The following DOCK1 variants were observed in gnomAD, a reference collection of about 807,000 sequenced individuals.
DOCK1 encodes dedicator of cytokinesis 1, also known as dedicator of cytokinesis protein 1.
A neutral mutation model predicts 262.7 loss-of-function variants in DOCK1; 138 were observed. That is an observed-to-expected ratio of 0.53 (90% CI 0.46 to 0.61). The LOEUF is 0.61. DOCK1 is among the 20% of genes least tolerant of loss of function. DOCK1 has a pLI of 0.00. For synonymous variants in DOCK1, 866 were observed against 867.4 expected (o/e 1.00, Z 0.03); for missense variants, 1,908 against 2,370.7 (o/e 0.80, Z 4.05).
intron 46 of DOCK1, among the ~76,000 whole-genome samples, chr10:127,424,891 G>A (rs1382681723): frequency 6.6e-6 from 1 of 152,120 alleles, no homozygotes; most frequent in African/African-American, 2.4e-5. Context: ...CGAGGAGAGC[G>A]CTGCTACTCC....
At chr10:126,987,412 C>T in intron 4 of DOCK1, 109 bp from the exon 5 acceptor site, 1 of 761,204 alleles carries the variant, frequency 1.3e-6, no homozygotes, top group South Asian at 1.9e-5. Flanking sequence ...ATTTTCTTCC[C>T]ATTTGCTTAA....
At chr10:127,111,807 A>C (rs2048882707) in intron 25 of DOCK1, among the ~76,000 whole-genome samples, 1 of 152,190 alleles carries the variant, frequency 6.6e-6, no homozygotes, top group Admixed American at 6.5e-5. Context: ...TCAAATTAAC[A>C]GCTGTCAATG....
chr10:127,241,858 A>T (rs2059276855), intron 27 of DOCK1, among the ~76,000 whole-genome samples: 1 of 152,136 alleles, frequency 6.6e-6, no homozygotes, highest in Admixed American at 6.5e-5. Flanking sequence ...TCCTCTCCCC[A>T]GGAGTGAGTT....
chr10:127,087,176 C>T lies in DOCK1; in HGVS notation c.2446-19055C>T, dbSNP rs975617463. Among the ~76,000 whole-genome samples the T allele has an allele frequency of 2.6e-5, 4 of 152,240 alleles. 1 individual carries two copies. Among genetic ancestry groups the T allele is most frequent in the Non-Finnish European group, 4.4e-5 (3 of 68,022 alleles). ...ATATCTAAGTGGGCATTTTTCTAAA[C>T]GAGTGACTTTCTTCATGATATGTGT... is the stretch of plus-strand genomic sequence containing the variant. On this transcript the variant is annotated intron_variant, in intron 23 of 51. Transcript: ENST00000623213.
rs1249694286 is a variant in DOCK1, at chr10:127,310,296, A to G, written c.3045-28710A>G. Among the ~76,000 whole-genome samples the G allele has an allele frequency of 1.7e-5, 2 of 121,114 alleles. 1 individual carries two copies. The highest frequency in any genetic ancestry group is 3.1e-5 in the Non-Finnish European group (2 of 63,612). The allele number at this position is 121,114 out of a possible 152,430, so 79.5% of individuals were successfully genotyped here. A position where few individuals can be genotyped will look rare whatever the true frequency, so the allele number is the denominator to read the frequency against. ...TTACCCCCACCCCTACAGCCTTCCT[A>G]ATATAAGGAAGAAATGAAGCAGCCG... On this transcript the variant is annotated intron_variant, in intron 29 of 51. Transcript: ENST00000623213.
intron 32 of DOCK1, among the ~76,000 whole-genome samples, chr10:127,361,350 G>A (rs867937133): frequency 7.2e-5 from 11 of 152,126 alleles, no homozygotes; most frequent in South Asian, 2.1e-4. Context: ...TCCTGACCTC[G>A]TGATCTGCCC....
intron 27 of DOCK1, among the ~76,000 whole-genome samples, chr10:127,238,456 G>A (rs1408549114): frequency 6.6e-6 from 1 of 152,094 alleles, no homozygotes; most frequent in Non-Finnish European, 1.5e-5. Context: ...CATTCCTTTA[G>A]GAGTTGAAAC....
intron 38 of DOCK1, among the ~76,000 whole-genome samples, chr10:127,390,031 G>T (rs1432992052): frequency 2.0e-5 from 3 of 150,474 alleles, no homozygotes; most frequent in Non-Finnish European, 4.4e-5. Flanking sequence ...AAAAAGAGGG[G>T]CTGTGAGACC....
intron 51 of DOCK1, among the ~76,000 whole-genome samples, chr10:127,448,860 CTTTTTT>C (rs11365847): frequency 6.8e-6 from 1 of 147,364 alleles, no homozygotes; most frequent in Non-Finnish European, 1.5e-5. Context: ...ATTTCTTTTT[CTTTTTT>C]TTTAATGGAG....
At chr10:127,174,458 T>C (rs1219932472) in intron 27 of DOCK1, among the ~76,000 whole-genome samples, 1 of 152,224 alleles carries the variant, frequency 6.6e-6, no homozygotes, top group Non-Finnish European at 1.5e-5. Context: ...TTAGGTCATT[T>C]GTTTTTAAAG....
Position 127,129,156 on chromosome 10 carries a change from A to C in DOCK1, c.2847+1392A>C, listed in dbSNP as rs1322248366. ...GAGGACTCCGTGTCGTGTGCGTCAC[A>C]GACAGGTCGCACAGATGGACAAATG... On this transcript the variant is annotated intron_variant, in intron 27 of 51. Coordinates refer to ENST00000623213, the MANE Select transcript of DOCK1 (RefSeq NM_001290223.2). 9.9e-5 allele frequency among the ~76,000 whole-genome samples: 15 copies of C among 152,210 alleles called. 1 individual carries two copies. Among genetic ancestry groups the C allele is most frequent in the Admixed American group, 9.8e-4 (15 of 15,288 alleles).
At chr10:127,024,995 C>T (rs1478210366) in intron 15 of DOCK1, 3 of 433,356 alleles carry the variant, frequency 6.9e-6, no homozygotes, top group Non-Finnish European at 8.3e-6. Context: ...AAAAATAGGA[C>T]GTTCATGGAG....
At chr10:127,392,421 C>A (rs1208006544) in intron 38 of DOCK1, among the ~76,000 whole-genome samples, 1 of 152,070 alleles carries the variant, frequency 6.6e-6, no homozygotes, top group Non-Finnish European at 1.5e-5. Context: ...TGTGCCGTGG[C>A]CTGGGCTCCA....
intron 1 of DOCK1, among the ~76,000 whole-genome samples, chr10:126,916,197 C>T (rs553548275): frequency 6.6e-6 from 1 of 152,290 alleles, no homozygotes; most frequent in African/African-American, 2.4e-5. Context: ...ATCTGTGCAT[C>T]TCAGCTCTGC....
chr10:127,003,228 T>G (rs1325960064), intron 10 of DOCK1, among the ~76,000 whole-genome samples: 1 of 149,278 alleles, frequency 6.7e-6, no homozygotes, highest in Non-Finnish European at 1.5e-5. Context: ...GTGTGAACCT[T>G]TATGAACCTG....
chr10:127,193,378 A>G (rs886334429), intron 27 of DOCK1, among the ~76,000 whole-genome samples: 2 of 152,174 alleles, frequency 1.3e-5, no homozygotes, highest in African/African-American at 4.8e-5. Context: ...GTTGAACAGC[A>G]TCCTTCACAA....
At chr10:127,007,203 G>A (rs2041098828) in intron 10 of DOCK1, among the ~76,000 whole-genome samples, 1 of 152,148 alleles carries the variant, frequency 6.6e-6, no homozygotes, top group Non-Finnish European at 1.5e-5. Context: ...CCTTGGTTGA[G>A]TGGAGTGAGT....
At chr10:127,405,197 A>G (rs1246077798) in intron 40 of DOCK1, among the ~76,000 whole-genome samples, 2 of 152,224 alleles carry the variant, frequency 1.3e-5, no homozygotes, top group Non-Finnish European at 2.9e-5. Flanking sequence ...CCACGGTGCT[A>G]GAAACTCCAA....
chr10:127,275,949 A>AATGC (rs2060725954), intron 29 of DOCK1, among the ~76,000 whole-genome samples: 2 of 152,270 alleles, frequency 1.3e-5, no homozygotes, highest in Non-Finnish European at 2.9e-5. Context: ...CGCATGGCGT[A>AATGC]CAGGCCGCGT....
Sources: gnomAD v4.1 joint callset for allele counts (sites outside exome capture counted in the v4.1 genomes callset) on GRCh38, gnomAD v4.1.1 for gene constraint, MANE v1.5 for transcripts, NCBI Gene and HGNC (gene_info 2026-07-23, HGNC 2026-07-21) for gene names.